The following CSMD1 variants were observed in gnomAD, a reference collection of about 807,000 sequenced individuals.
CSMD1 encodes CUB and Sushi multiple domains 1.
CSMD1 carries 213 observed loss-of-function variants against 417.5 expected under a neutral mutation model. That is an observed-to-expected ratio of 0.51 (90% CI 0.46 to 0.57). The LOEUF is 0.57. Ranked by LOEUF, CSMD1 falls within the 20% of genes least tolerant of loss-of-function variation. CSMD1 has a pLI of 0.00. For synonymous variants in CSMD1, 2,862 were observed against 1,736.8 expected, an observed-to-expected ratio of 1.65 and a Z score of -16.11; for missense variants, 6,923 against 4,529.7, an observed-to-expected ratio of 1.53 and a Z score of -15.17.
intron 5 of CSMD1, among the ~76,000 whole-genome samples, chr8:3,829,242 T>G (rs187735370): frequency 1.3e-5 from 2 of 152,130 alleles, no homozygotes; most frequent in Admixed American, 1.3e-4. Flanking sequence ...TGCATCCTCA[T>G]AGCTTAGCTC....
intron 2 of CSMD1, among the ~76,000 whole-genome samples, chr8:4,541,724 G>C (rs1385431626): frequency 6.6e-6 from 1 of 152,042 alleles, no homozygotes; most frequent in Non-Finnish European, 1.5e-5. Flanking sequence ...GACAGAGTGA[G>C]ACCCTGTCTA....
rs1041191501 is a variant in CSMD1 at position 3,128,023 on chromosome 8, C to T, written c.6242-9436G>A. 3.3e-5 allele frequency: 5 copies of T among 151,686 alleles called. 1 individual carries two copies. The highest frequency in any genetic ancestry group is 6.8e-3 in the Middle Eastern group (2 of 292). The allele number at this position is 151,686 out of a possible 1,614,324, so 9.4% of individuals were successfully genotyped here. A position where few individuals can be genotyped will look rare whatever the true frequency, so the allele number is the denominator to read the frequency against. ...ACTTAACTTCTCCAAATTGCAAAAC[C>T]TAAAAGAAAAGGAAGTCACTAAAAT... On this transcript the variant is annotated intron_variant, in intron 41 of 69. Transcript: ENST00000635120.
chr8:3,894,783 T>A (rs980355507), intron 5 of CSMD1, among the ~76,000 whole-genome samples: 1 of 152,182 alleles, frequency 6.6e-6, no homozygotes, highest in African/African-American at 2.4e-5. Flanking sequence ...TAGAAGTGCA[T>A]AGGGCTGTTA....
chr8:4,101,090 T>C (rs1801280906), intron 3 of CSMD1, among the ~76,000 whole-genome samples: 2 of 152,180 alleles, frequency 1.3e-5, no homozygotes, highest in Non-Finnish European at 2.9e-5. Context: ...TTCAGAACTA[T>C]GCATCTACCG....
chr8:3,303,164 G>A (rs17320037), intron 25 of CSMD1, among the ~76,000 whole-genome samples: 2,237 of 152,310 alleles, frequency 0.015, 19 homozygotes, highest in Non-Finnish European at 0.025. Flanking sequence ...TTATTCCTGA[G>A]TGGCCTCATA....
intron 3 of CSMD1, among the ~76,000 whole-genome samples, chr8:4,354,612 G>A (rs190623960): frequency 6.6e-6 from 1 of 151,984 alleles, no homozygotes; most frequent in South Asian, 2.1e-4. Flanking sequence ...CTCCTTGAAC[G>A]TATAAGAACG....
intron 5 of CSMD1, among the ~76,000 whole-genome samples, chr8:3,996,211 T>C (rs1338956206): frequency 6.6e-6 from 1 of 152,186 alleles, no homozygotes; most frequent in Non-Finnish European, 1.5e-5. Flanking sequence ...ACCTGACATC[T>C]TACTAGCAAG....
At chr8:4,912,119 C>T (rs1480850378) in intron 1 of CSMD1, among the ~76,000 whole-genome samples, 1 of 20,254 alleles carries the variant, frequency 4.9e-5, no homozygotes, top group Non-Finnish European at 1.1e-4. Flanking sequence ...CTCAACATAG[C>T]TTCAAAAAAA....
chr8:3,737,447 G>C lies in CSMD1; in HGVS notation c.931+16483C>G, dbSNP rs188891455. Among the ~76,000 whole-genome samples the C allele has an allele frequency of 2.2e-3, 331 of 152,276 alleles. 8 individuals carry two copies. The highest frequency in any genetic ancestry group is 2.4e-4 in the Non-Finnish European group (16 of 68,008). On this transcript the variant is annotated intron_variant, in intron 6 of 69. Transcript: ENST00000635120. ...AAATTATTTTAGAATTAAAGTTACA[G>C]AAAAATTAATTGTTAAATGCCATCA...
At chr8:4,550,674 C>T (rs1311251121) in intron 2 of CSMD1, among the ~76,000 whole-genome samples, 1 of 152,118 alleles carries the variant, frequency 6.6e-6, no homozygotes. Flanking sequence ...ACAAAGGTGA[C>T]AAATATACTC....
At chr8:4,885,910 A>T (rs961537986) in intron 1 of CSMD1, among the ~76,000 whole-genome samples, 5 of 152,096 alleles carry the variant, frequency 3.3e-5, no homozygotes, top group Admixed American at 3.3e-4. Context: ...ACAAAGATTT[A>T]TGCCTGTGTT....
At chr8:4,258,965 T>C (rs1803679422) in intron 3 of CSMD1, among the ~76,000 whole-genome samples, 1 of 152,194 alleles carries the variant, frequency 6.6e-6, no homozygotes, top group Non-Finnish European at 1.5e-5. Context: ...CTAAGGTGTA[T>C]AAATGTCTAA....
intron 1 of CSMD1, among the ~76,000 whole-genome samples, chr8:4,819,060 G>A (rs1010108300): frequency 2.6e-5 from 4 of 152,156 alleles, no homozygotes; most frequent in African/African-American, 7.2e-5. Context: ...ATACCTGGAA[G>A]AGCAGCTCAG....
intron 9 of CSMD1, among the ~76,000 whole-genome samples, chr8:3,578,983 C>A (rs12675025): frequency 0.27 from 40,319 of 152,092 alleles, 6,688 homozygotes; most frequent in Non-Finnish European, 0.36. Context: ...TCTACTCTTG[C>A]AAAGGCCTTG....
At chr8:3,056,249 G>T (rs1160849930) in intron 49 of CSMD1, among the ~76,000 whole-genome samples, 2 of 152,214 alleles carry the variant, frequency 1.3e-5, no homozygotes, top group African/African-American at 4.8e-5. Flanking sequence ...TAGAAGAGAC[G>T]TCCAGTGTTG....
intron 7 of CSMD1, among the ~76,000 whole-genome samples, chr8:3,656,074 G>A (rs1053159477): frequency 2.0e-5 from 3 of 152,190 alleles, no homozygotes; most frequent in Admixed American, 6.5e-5. Flanking sequence ...ATAATGCCCA[G>A]CACCCCTGCT....
At chr8:4,339,911 G>C (rs1330428269) in intron 3 of CSMD1, among the ~76,000 whole-genome samples, 1 of 151,982 alleles carries the variant, frequency 6.6e-6, no homozygotes, top group Non-Finnish European at 1.5e-5. Flanking sequence ...AGTAGTCCTG[G>C]CTCCTAAGGG....
chr8:3,574,372 C>G (rs988133895), intron 10 of CSMD1, among the ~76,000 whole-genome samples: 2 of 152,186 alleles, frequency 1.3e-5, no homozygotes, highest in South Asian at 4.1e-4. Context: ...TCTCGAATAG[C>G]TGGGATGACA....
intron 10 of CSMD1, among the ~76,000 whole-genome samples, chr8:3,534,071 T>C (rs1173608921): frequency 6.6e-6 from 1 of 152,192 alleles, no homozygotes; most frequent in Non-Finnish European, 1.5e-5. Flanking sequence ...TTGACTTCCT[T>C]TGAAATGATT....
Sources: gnomAD v4.1 joint callset for allele counts (sites outside exome capture counted in the v4.1 genomes callset) on GRCh38, gnomAD v4.1.1 for gene constraint, MANE v1.5 for transcripts, NCBI Gene and HGNC (gene_info 2026-07-23, HGNC 2026-07-21) for gene names.